Variants in CNGB1 observed in about 807,000 individuals in gnomAD.
CNGB1 encodes cyclic nucleotide gated channel subunit beta 1.
Under a neutral mutation model 151.7 loss-of-function variants are expected in CNGB1, and 126 were observed. The observed-to-expected ratio is 0.83, with a 90% CI of 0.72 to 0.96. The LOEUF (loss-of-function observed/expected upper bound fraction) is 0.96, where lower values mean the gene tolerates loss of function less well. Ranked by LOEUF, CNGB1 falls within the 40% of genes least tolerant of loss-of-function variation. The probability of loss-of-function intolerance (pLI) is 0.00; values close to 1 mark genes in which losing one functional copy is unlikely to be tolerated. For synonymous variants in CNGB1, 623 were observed against 635.1 expected, an observed-to-expected ratio of 0.98 and a Z score of 0.29; for missense variants, 1,698 against 1,627.0, an observed-to-expected ratio of 1.04 and a Z score of -0.75.
intron 22 of CNGB1, among the ~76,000 whole-genome samples, 198 bp from the exon 23 acceptor site, chr16:57,915,533 G>A (rs1489062663): frequency 6.6e-6 from 1 of 152,122 alleles, no homozygotes; most frequent in African/African-American, 2.4e-5. Context: ...CAGCCCCAAG[G>A]GCAGCTTCAT....
chr16:57,948,447 G>A lies in CNGB1; in HGVS notation c.1121+906C>T, dbSNP rs576320184. On this transcript the variant is annotated intron_variant, in intron 14 of 32. Coordinates refer to ENST00000251102, the MANE Select transcript of CNGB1 (RefSeq NM_001297.5). ...TGGGATTACAGGCGTGAGCCACCACGCCTGGTCGACCTTCCTGAAACACTA... is the reference window on the plus strand; with the variant it reads ...TGGGATTACAGGCGTGAGCCACCACACCTGGTCGACCTTCCTGAAACACTA... Among the ~76,000 whole-genome samples the A allele has an allele frequency of 4.6e-5, 7 of 151,698 alleles. No individual in the cohort carries two copies. In the East Asian group the frequency reaches 1.4e-3, roughly 29 times the overall value.
chr16:57,934,825 C>T (rs367921866), intron 16 of CNGB1, among the ~76,000 whole-genome samples: 6 of 152,160 alleles, frequency 3.9e-5, no homozygotes, highest in African/African-American at 1.4e-4. Flanking sequence ...GGCCTGGTGG[C>T]ATGTGCCTAT....
chr16:57,940,411 C>T, intron 14 of CNGB1, 90 bp from the exon 15 acceptor site: 1 of 1,301,616 alleles, frequency 7.7e-7, no homozygotes, highest in Admixed American at 2.0e-5. Flanking sequence ...CGCTCTGTGC[C>T]AGGAGCGGAG....
rs377385295 is a variant in CNGB1 at position 57,964,924 on chromosome 16, C to A, written c.160-380G>T. 2.0e-5 allele frequency among the ~76,000 whole-genome samples: 3 copies of A among 152,320 alleles called. No homozygotes were observed. In the East Asian group the frequency reaches 5.8e-4, roughly 29 times the overall value. On this transcript the variant is annotated intron_variant, in intron 2 of 32. Transcript: ENST00000251102. ...AAGAGGGAGGTGAGAGGAGCCCACGCCCCTCATCCTCTGCCAGTGCTCTCC... is the reference window on the plus strand; with the variant it reads ...AAGAGGGAGGTGAGAGGAGCCCACGACCCTCATCCTCTGCCAGTGCTCTCC...
chr16:57,924,938 A>ATGC (rs1296597226), intron 17 of CNGB1, among the ~76,000 whole-genome samples: 2 of 152,164 alleles, frequency 1.3e-5, no homozygotes, highest in African/African-American at 4.8e-5. Flanking sequence ...AGATGCTGCC[A>ATGC]TGCTGCCTGT....
rs192843629 is a variant in CNGB1, at chr16:57,916,137, G to A, written c.2209C>T (p.Arg737Cys). ...DMRNNYLKSR[R>C]FKMDLLSLLP... ...GCATGCCCGGCACACACCTTGAAGCGGCGAGACTTCAGGTAGTTATTTCGC... is the reference window on the plus strand; with the variant it reads ...GCATGCCCGGCACACACCTTGAAGCAGCGAGACTTCAGGTAGTTATTTCGC... Residue 737 changes from arginine to cysteine, a missense_variant, in exon 22 of 33, where the codon CGC (arginine) becomes TGC (cysteine). Transcript: ENST00000251102. 9.8e-4 allele frequency: 1,576 copies of A among 1,614,030 alleles called. 4 individuals carry two copies. The highest frequency in any genetic ancestry group is 1.1e-3 in the Non-Finnish European group (1,325 of 1,179,960).
At chr16:57,937,781 C>G (rs940671737) in intron 16 of CNGB1, among the ~76,000 whole-genome samples, 58 of 152,202 alleles carry the variant, frequency 3.8e-4, no homozygotes, top group African/African-American at 1.4e-3. Flanking sequence ...CTTCCTATGG[C>G]CCTGGTTCCC....
rs766474948 is a variant in CNGB1, at chr16:57,887,913, C to T, written c.3404G>A (p.Arg1135Gln). 2.3e-5 allele frequency: 37 copies of T among 1,614,192 alleles called. No individual in the cohort carries two copies. The highest frequency in any genetic ancestry group is 8.9e-5 in the East Asian group (4 of 44,886). The change falls in exon 32 of 33, where the codon CGG becomes CAG. Residue 1135 changes from arginine (R) to glutamine (Q), a missense_variant. Physicochemically the swap from Arg to Gln is conservative, Grantham distance 43 (BLOSUM62 1). Coordinates refer to ENST00000251102, the MANE Select transcript of CNGB1 (RefSeq NM_001297.5). ...KGGKLAHLRA[R>Q]LKELAALEAA... ...CTCCAGCGCGGCCAGTTCTTTGAGC[C>T]GGGCCCGGAGGTGAGCAAGTTTGCC...
At chr16:57,914,007 G>A in intron 23 of CNGB1, among the ~76,000 whole-genome samples, 1 of 152,148 alleles carries the variant, frequency 6.6e-6, no homozygotes, top group East Asian at 1.9e-4. Flanking sequence ...TTTGATATTT[G>A]AAAATAGTAT....
Position 57,935,070 on chromosome 16 carries a change from C to G in CNGB1, c.1373-3192G>C, listed in dbSNP as rs1018607197. On this transcript the variant is annotated intron_variant, in intron 16 of 32. Coordinates refer to ENST00000251102, the MANE Select transcript of CNGB1 (RefSeq NM_001297.5). ...CAAAAAAAAAAAAAAAAAGTTACAC[C>G]CTCTTTTAGTGAATACCCAGAGAGG... Among the ~76,000 whole-genome samples the G allele has an allele frequency of 2.6e-5, 4 of 151,714 alleles. No individual in the cohort carries two copies. The East Asian group carries it at 5.8e-4, about 22-fold the overall frequency.
intron 31 of CNGB1, among the ~76,000 whole-genome samples, chr16:57,891,716 C>G (rs1203878924): frequency 6.6e-6 from 1 of 151,956 alleles, no homozygotes; most frequent in African/African-American, 2.4e-5. Flanking sequence ...ATGACCACGC[C>G]TGGCTAATTT....
intron 32 of CNGB1, among the ~76,000 whole-genome samples, chr16:57,885,102 G>A (rs1368220106): frequency 6.6e-6 from 1 of 152,154 alleles, no homozygotes; most frequent in Non-Finnish European, 1.5e-5. Context: ...ACATCAGTAG[G>A]GGACTGGGTA....
At chr16:57,912,848 G>A in intron 24 of CNGB1, 82 bp downstream of exon 24, 2 of 1,360,282 alleles carry the variant, frequency 1.5e-6, no homozygotes, top group Non-Finnish European at 2.1e-6. Context: ...TGTGTCATCT[G>A]TGTTGTGTGT....
chr16:57,897,553 AGAAG>A lies in CNGB1; in HGVS notation c.3096-14_3096-11del, dbSNP rs765306729. 2 of 1,613,910 alleles carry A rather than the reference AGAAG, an allele frequency of 1.2e-6. No homozygotes were observed. The highest frequency in any genetic ancestry group is 1.7e-6 in the Non-Finnish European group (2 of 1,180,024). ...CCCAACAGCCAGCAAGCTGGGGCAG[AGAAG>A]GGAGGAAGGAGGCCCTTCAGAGACT... is the stretch of plus-strand genomic sequence containing the variant. On this transcript the variant is annotated splice_polypyrimidine_tract_variant and intron_variant, in intron 30 of 32. Coordinates refer to ENST00000251102, the MANE Select transcript of CNGB1 (RefSeq NM_001297.5).
At chr16:57,932,997 C>T (rs1303547116) in intron 16 of CNGB1, among the ~76,000 whole-genome samples, 1 of 152,214 alleles carries the variant, frequency 6.6e-6, no homozygotes, top group Non-Finnish European at 1.5e-5. Context: ...TCACTGCAAC[C>T]TCTGCCTCCT....
intron 11 of CNGB1, 51 bp downstream of exon 11, chr16:57,958,359 A>G (rs893938020): frequency 1.2e-5 from 15 of 1,213,350 alleles, no homozygotes; most frequent in African/African-American, 8.3e-5. Context: ...CAAGTTCCCA[A>G]GACCCCTCCC....
At chr16:57,961,511 A>G (rs116905273) in intron 7 of CNGB1, among the ~76,000 whole-genome samples, 1 of 152,210 alleles carries the variant, frequency 6.6e-6, no homozygotes, top group East Asian at 1.9e-4. Context: ...GGCCCAAAAG[A>G]AGGCTGGTGA....
At chr16:57,954,549 C>T (rs1962036801) in intron 12 of CNGB1, 2 of 394,162 alleles carry the variant, frequency 5.1e-6, no homozygotes, top group Non-Finnish European at 6.9e-6. Context: ...GCTCAGGACC[C>T]CTGGCTAATT....
At chr16:57,966,153 C>T (rs1219690393) in intron 2 of CNGB1, among the ~76,000 whole-genome samples, 1 of 152,174 alleles carries the variant, frequency 6.6e-6, no homozygotes, top group African/African-American at 2.4e-5. Flanking sequence ...GATGACTCTC[C>T]CTCTTCTGAG....
Sources: allele counts gnomAD v4.1 joint callset (sites outside exome capture counted in the v4.1 genomes callset), GRCh38; gene constraint gnomAD v4.1.1; transcripts MANE v1.5; gene names NCBI Gene and HGNC (gene_info 2026-07-23, HGNC 2026-07-21).